The following TNFAIP8 variants were observed in gnomAD, a reference collection of about 807,000 sequenced individuals.
TNFAIP8 encodes the protein tumor necrosis factor alpha-induced protein 8.
A neutral mutation model predicts 13.3 loss-of-function variants in TNFAIP8; 7 were observed. The ratio of observed to expected loss-of-function variants is 0.52; its 90% CI spans 0.30 to 0.99. The LOEUF (loss-of-function observed/expected upper bound fraction) is 0.99. Among genes scored for constraint, TNFAIP8 ranks in the 50% least tolerant of loss-of-function variants. The pLI is 0.07. For missense variants in TNFAIP8, 258 were observed against 236.9 expected (o/e 1.09, Z -0.58); for synonymous variants, 94 against 87.6 (o/e 1.07, Z -0.41).
chr5:119,348,917 A>G (rs1472952982), intron 1 of TNFAIP8, among the ~76,000 whole-genome samples: 1 of 149,982 alleles, frequency 6.7e-6, no homozygotes, highest in African/African-American at 2.5e-5. Flanking sequence ...AGAATAGACA[A>G]CATCTAAGGT....
chr5:119,303,096 A>C (rs1749445379), intron 1 of TNFAIP8, among the ~76,000 whole-genome samples: 1 of 152,072 alleles, frequency 6.6e-6, no homozygotes, highest in South Asian at 2.1e-4. Flanking sequence ...AAAACCACAC[A>C]CTAGGAAATG....
At chr5:119,321,150 G>C (rs920583005) in intron 1 of TNFAIP8, among the ~76,000 whole-genome samples, 1 of 152,122 alleles carries the variant, frequency 6.6e-6, no homozygotes, top group Admixed American at 6.5e-5. Flanking sequence ...CCGGGAGGCG[G>C]AGCTTGCAGT....
chr5:119,329,189 G>A (rs1480213788), intron 1 of TNFAIP8, among the ~76,000 whole-genome samples: 1 of 152,166 alleles, frequency 6.6e-6, no homozygotes, highest in Admixed American at 6.5e-5. Context: ...AGGTTAGATG[G>A]TATCAGCGGT....
chr5:119,384,407 C>T (rs983004981), intron 1 of TNFAIP8, among the ~76,000 whole-genome samples: 12 of 151,964 alleles, frequency 7.9e-5, no homozygotes, highest in African/African-American at 2.4e-4. Context: ...TGCTTGAAGC[C>T]GGGGGGTGGA....
intron 1 of TNFAIP8, among the ~76,000 whole-genome samples, chr5:119,277,778 G>GGGGT (rs781528998): frequency 2.2e-4 from 33 of 152,102 alleles, no homozygotes; most frequent in Non-Finnish European, 4.3e-4. Context: ...TCAAGATCAG[G>GGGGT]GCACCCACAG....
chr5:119,307,981 A>G (rs1749616266), intron 1 of TNFAIP8, among the ~76,000 whole-genome samples: 1 of 152,186 alleles, frequency 6.6e-6, no homozygotes, highest in African/African-American at 2.4e-5. Flanking sequence ...GCCTCATTGC[A>G]AGGAAAAATC....
intron 1 of TNFAIP8, among the ~76,000 whole-genome samples, chr5:119,361,310 A>T (rs1365452468): frequency 6.6e-6 from 1 of 152,220 alleles, no homozygotes. Flanking sequence ...AGCCTTGAAG[A>T]AGAGGTACAG....
At chr5:119,285,137 A>G (rs1748739498) in intron 1 of TNFAIP8, among the ~76,000 whole-genome samples, 1 of 152,162 alleles carries the variant, frequency 6.6e-6, no homozygotes, top group Non-Finnish European at 1.5e-5. Flanking sequence ...AGGTAATGGG[A>G]AAAGCTCTGG....
chr5:119,305,879 C>G (rs1749535173), intron 1 of TNFAIP8, among the ~76,000 whole-genome samples: 1 of 152,170 alleles, frequency 6.6e-6, no homozygotes. Context: ...CAACACTGCC[C>G]TAAAATCTCC....
intron 1 of TNFAIP8, among the ~76,000 whole-genome samples, chr5:119,269,726 T>C (rs896379883): frequency 2.6e-5 from 4 of 152,196 alleles, no homozygotes; most frequent in Non-Finnish European, 5.9e-5. Context: ...AGTAGTTCAG[T>C]GCCCAGTGTT....
rs377489727 is a variant in TNFAIP8, at chr5:119,308,233, C to T, written c.1+39326C>T. 2.6e-4 allele frequency among the ~76,000 whole-genome samples: 39 copies of T among 152,270 alleles called. 1 individual carries two copies. The East Asian group carries it at 3.3e-3, about 13-fold the overall frequency. ...AAATGACAGCATTCCCTCTTTCCTGCAGGTTTTCCAGAAGTCTGCCGCCTG... is the reference window on the plus strand; with the variant it reads ...AAATGACAGCATTCCCTCTTTCCTGTAGGTTTTCCAGAAGTCTGCCGCCTG... On this transcript the variant is annotated intron_variant, in intron 1 of 1. Coordinates refer to the TNFAIP8 transcript ENST00000274456.
At chr5:119,289,291 A>G (rs1396945552) in intron 1 of TNFAIP8, among the ~76,000 whole-genome samples, 1 of 152,072 alleles carries the variant, frequency 6.6e-6, no homozygotes, top group East Asian at 1.9e-4. Flanking sequence ...AAGAACTGCC[A>G]AAAGATTGGT....
intron 1 of TNFAIP8, among the ~76,000 whole-genome samples, chr5:119,328,124 T>G (rs1750276674): frequency 6.6e-6 from 1 of 152,194 alleles, no homozygotes; most frequent in Non-Finnish European, 1.5e-5. Flanking sequence ...TATAAACATT[T>G]TAAAATATAA....
chr5:119,395,372 A>C lies in TNFAIP8; in HGVS notation c.*1991A>C, dbSNP rs1105769. On this transcript the variant is annotated 3_prime_UTR_variant, in exon 2 of 2. Transcript: ENST00000504771. ...GATGTGTTCTGTTCTCCAGATCTCA[A>C]ACAGCAGAGGTATGGGAAACGAAAG... 0.67 allele frequency: 101,543 copies of C among 152,116 alleles called. 34,630 individuals are homozygous for C. The highest frequency in any genetic ancestry group is 0.71 in the African/African-American group (29,575 of 41,458). The allele number at this position is 152,116 out of a possible 1,614,324, so 9.4% of individuals were successfully genotyped here.
At chr5:119,292,136 A>G (rs1158809077) in intron 1 of TNFAIP8, among the ~76,000 whole-genome samples, 1 of 152,080 alleles carries the variant, frequency 6.6e-6, no homozygotes, top group Non-Finnish European at 1.5e-5. Flanking sequence ...AGGCTTTAGG[A>G]TGGGAGTAGG....
At chr5:119,305,859 A>G (rs1477013128) in intron 1 of TNFAIP8, among the ~76,000 whole-genome samples, 1 of 152,188 alleles carries the variant, frequency 6.6e-6, no homozygotes, top group Non-Finnish European at 1.5e-5. Flanking sequence ...ATGGAGGGCC[A>G]CAGGGTGAGC....
upstream of TNFAIP8, chr5:119,355,774 G>T (rs1054930175): frequency 2.6e-5 from 8 of 311,632 alleles, no homozygotes; most frequent in East Asian, 1.8e-4. Flanking sequence ...GCTGCCGTCT[G>T]GGCCTGTGCC....
chr5:119,367,838 A>AT (rs1012540732), intron 1 of TNFAIP8, among the ~76,000 whole-genome samples: 51 of 151,708 alleles, frequency 3.4e-4, no homozygotes, highest in African/African-American at 1.2e-3. Flanking sequence ...TTGCTTTCTC[A>AT]TTTTTTTTCA....
At chr5:119,299,597 G>T (rs960446164) in intron 1 of TNFAIP8, among the ~76,000 whole-genome samples, 2 of 152,196 alleles carry the variant, frequency 1.3e-5, no homozygotes, top group Non-Finnish European at 2.9e-5. Flanking sequence ...TCCGTTCTCA[G>T]ATCTCCAGCT....
Sources: allele counts gnomAD v4.1 joint callset (sites outside exome capture counted in the v4.1 genomes callset), GRCh38; gene constraint gnomAD v4.1.1; transcripts MANE v1.5; gene names NCBI Gene and HGNC (gene_info 2026-07-23, HGNC 2026-07-21).